The following SEMA3E variants were observed in gnomAD, a reference collection of about 807,000 sequenced individuals.
SEMA3E encodes semaphorin-3E.
Under a neutral mutation model 93.6 loss-of-function variants are expected in SEMA3E, and 49 were observed. That is an observed-to-expected ratio of 0.52 (90% CI 0.42 to 0.66). The LOEUF is 0.66. Ranked by LOEUF, SEMA3E falls within the 30% of genes least tolerant of loss-of-function variation. The pLI is 0.00. For synonymous variants in SEMA3E, 363 were observed against 330.7 expected (o/e 1.10, Z -1.06); for missense variants, 906 against 964.8 (o/e 0.94, Z 0.81).
chr7:83,513,030 G>A (rs1167123786), intron 1 of SEMA3E, among the ~76,000 whole-genome samples: 4 of 152,134 alleles, frequency 2.6e-5, no homozygotes, highest in Non-Finnish European at 4.4e-5. Context: ...GTAAAAGAGC[G>A]AGTATCACAT....
intron 4 of SEMA3E, among the ~76,000 whole-genome samples, chr7:83,438,871 C>T (rs1478631400): frequency 1.3e-5 from 2 of 151,988 alleles, no homozygotes; most frequent in Non-Finnish European, 2.9e-5. Context: ...ATTATTTAGA[C>T]GTTTAGACAT....
At chr7:83,454,127 G>A (rs143919781) in intron 4 of SEMA3E, among the ~76,000 whole-genome samples, 380 of 150,708 alleles carry the variant, frequency 2.5e-3, no homozygotes, top group South Asian at 0.019. Context: ...GCGTGGTGGC[G>A]GGCTCTTGTA....
intron 2 of SEMA3E, among the ~76,000 whole-genome samples, chr7:83,476,498 C>T (rs970058702): frequency 6.6e-6 from 1 of 152,116 alleles, no homozygotes; most frequent in African/African-American, 2.4e-5. Context: ...AAAGGAATAA[C>T]AGAAATATAG....
chr7:83,476,890 C>A (rs968888039), intron 2 of SEMA3E, among the ~76,000 whole-genome samples: 1 of 152,188 alleles, frequency 6.6e-6, no homozygotes, highest in African/African-American at 2.4e-5. Context: ...AAATACACAT[C>A]ATTTCATCAC....
intron 4 of SEMA3E, among the ~76,000 whole-genome samples, chr7:83,425,232 A>T (rs2115722031): frequency 6.6e-6 from 1 of 151,776 alleles, no homozygotes; most frequent in African/African-American, 2.4e-5. Flanking sequence ...GAAAAAAAAA[A>T]TGTTTTCTGT....
chr7:83,503,465 A>G (rs1331863535), intron 1 of SEMA3E, among the ~76,000 whole-genome samples: 1 of 152,144 alleles, frequency 6.6e-6, no homozygotes, highest in Admixed American at 6.5e-5. Flanking sequence ...TTTTATTCTT[A>G]CTATTACTAT....
intron 4 of SEMA3E, among the ~76,000 whole-genome samples, chr7:83,434,583 T>A (rs1788960886): frequency 6.6e-6 from 1 of 152,206 alleles, no homozygotes; most frequent in Admixed American, 6.5e-5. Flanking sequence ...CTATATACTT[T>A]CAAGATAAAT....
Position 83,464,652 on chromosome 7 carries a change from T to C in SEMA3E, c.456+1830A>G, listed in dbSNP as rs1360831633. Reference sequence around the variant, plus strand: ...TTTATACCTGTTTTTCTCCTTCTGTTATTCCATTTAGTTTTTCAATTCATC... The same window carrying C: ...TTTATACCTGTTTTTCTCCTTCTGTCATTCCATTTAGTTTTTCAATTCATC... On this transcript the variant is annotated intron_variant, in intron 4 of 16. Transcript: ENST00000643230. Among the ~76,000 whole-genome samples the C allele has an allele frequency of 2.8e-5, 4 of 142,522 alleles. No individual in the cohort carries two copies. The East Asian group carries it at 8.6e-4, about 31-fold the overall frequency. The allele number at this position is 142,522 out of a possible 152,430, so 93.5% of individuals were successfully genotyped here.
At chr7:83,531,461 C>A (rs35657983) in intron 1 of SEMA3E, among the ~76,000 whole-genome samples, 78,716 of 149,796 alleles carry the variant, frequency 0.53, 23,012 homozygotes, top group Middle Eastern at 0.69. Context: ...ATTCTCCTGC[C>A]TCAGCCTCTG....
chr7:83,408,867 C>T (rs1788379564), intron 5 of SEMA3E, among the ~76,000 whole-genome samples: 1 of 152,186 alleles, frequency 6.6e-6, no homozygotes, highest in Non-Finnish European at 1.5e-5. Context: ...ACCTCCCTAT[C>T]ATCAGGGCTT....
chr7:83,464,465 A>C (rs1490596471), intron 4 of SEMA3E, among the ~76,000 whole-genome samples: 12 of 101,974 alleles, frequency 1.2e-4, no homozygotes, highest in African/African-American at 3.6e-4. Context: ...TCTTGTTTAC[A>C]CTGTTTTTCC....
rs573776826 is a variant in SEMA3E, at chr7:83,376,282, G to C, written c.1876-8244C>G. ...GGAGTTACTACCATAGGATAGCATT[G>C]GTAAAAGTTAGGAAAATATGAGTCA... is the stretch of plus-strand genomic sequence containing the variant. On this transcript the variant is annotated intron_variant, in intron 16 of 16. Transcript: ENST00000643230. 1.3e-4 allele frequency among the ~76,000 whole-genome samples: 20 copies of C among 152,054 alleles called. No individual in the cohort carries two copies. In the South Asian group the frequency reaches 4.1e-3, roughly 32 times the overall value.
rs1789723107 is a variant in SEMA3E at position 83,465,118 on chromosome 7, C to T, written c.456+1364G>A. Among the ~76,000 whole-genome samples, 12 of 152,130 alleles carry T rather than the reference C, an allele frequency of 7.9e-5. No homozygotes were observed. The South Asian group carries it at 2.5e-3, about 32-fold the overall frequency. On this transcript the variant is annotated intron_variant, in intron 4 of 16. Transcript: ENST00000643230. ...TCTTTGCCTTAAGTGATGACATTAC[C>T]TTGTGAAAGTCCTTCTCCTGGCTCA...
intron 2 of SEMA3E, among the ~76,000 whole-genome samples, chr7:83,480,652 A>G (rs1023540014): frequency 1.3e-5 from 2 of 152,106 alleles, no homozygotes; most frequent in Admixed American, 6.6e-5. Flanking sequence ...AAAATATTCA[A>G]TTTTCTATGA....
chr7:83,520,125 T>C (rs1791014349), intron 1 of SEMA3E, among the ~76,000 whole-genome samples: 1 of 152,200 alleles, frequency 6.6e-6, no homozygotes, highest in African/African-American at 2.4e-5. Context: ...ATTTTTGATA[T>C]CTCTGTTCTC....
intron 4 of SEMA3E, among the ~76,000 whole-genome samples, chr7:83,457,074 G>T (rs553783368): frequency 1.3e-5 from 2 of 152,096 alleles, no homozygotes; most frequent in South Asian, 2.1e-4. Flanking sequence ...TTCGGATTTT[G>T]CACTAACCTG....
chr7:83,540,573 T>C (rs1429186907), intron 1 of SEMA3E, among the ~76,000 whole-genome samples: 8 of 152,350 alleles, frequency 5.3e-5, no homozygotes, highest in African/African-American at 1.7e-4. Context: ...AATATTAATG[T>C]CCTATCAGAT....
intron 1 of SEMA3E, among the ~76,000 whole-genome samples, chr7:83,577,789 A>G (rs554869234): frequency 3.3e-5 from 5 of 152,256 alleles, no homozygotes; most frequent in African/African-American, 1.2e-4. Flanking sequence ...TTACAAAGTC[A>G]TAGGAATATT....
chr7:83,514,779 T>C (rs976928460), intron 1 of SEMA3E, among the ~76,000 whole-genome samples: 1 of 152,112 alleles, frequency 6.6e-6, no homozygotes, highest in Non-Finnish European at 1.5e-5. Flanking sequence ...AGACATTCTG[T>C]AACAAATTAT....
Sources: gnomAD v4.1 joint callset for allele counts (sites outside exome capture counted in the v4.1 genomes callset) on GRCh38, gnomAD v4.1.1 for gene constraint, MANE v1.5 for transcripts, NCBI Gene and HGNC (gene_info 2026-07-23, HGNC 2026-07-21) for gene names.